The following FTO variants were observed in gnomAD, a reference collection of about 807,000 sequenced individuals.
FTO encodes FTO alpha-ketoglutarate dependent dioxygenase.
Under a neutral mutation model 63.9 loss-of-function variants are expected in FTO, and 47 were observed. The observed-to-expected ratio is 0.74, with a 90% CI of 0.58 to 0.94. The LOEUF (loss-of-function observed/expected upper bound fraction) is 0.94. Ranked by LOEUF, FTO falls within the 40% of genes least tolerant of loss-of-function variation. FTO has a pLI of 0.00. For missense variants in FTO, 562 were observed against 618.1 expected (o/e 0.91, Z 0.96); for synonymous variants, 207 against 224.4 (o/e 0.92, Z 0.69).
At chr16:53,909,432 T>G (rs2081624599) in intron 7 of FTO, among the ~76,000 whole-genome samples, 1 of 151,904 alleles carries the variant, frequency 6.6e-6, no homozygotes, top group Non-Finnish European at 1.5e-5. Flanking sequence ...TGGGCAAGAC[T>G]TTATGGAAGA....
intron 8 of FTO, among the ~76,000 whole-genome samples, chr16:53,980,192 A>C (rs191962577): frequency 1.7e-3 from 257 of 152,284 alleles, no homozygotes; most frequent in African/African-American, 5.9e-3. Context: ...TATGTCTTCT[A>C]ATTGTTTCTG....
intron 2 of FTO, among the ~76,000 whole-genome samples, chr16:53,820,512 G>A (rs2078830129): frequency 6.6e-6 from 1 of 151,596 alleles, no homozygotes; most frequent in Non-Finnish European, 1.5e-5. Flanking sequence ...AAGTTTTAGG[G>A]TACATGTGCA....
chr16:54,003,894 A>G (rs1282310027), intron 8 of FTO, among the ~76,000 whole-genome samples: 3 of 152,212 alleles, frequency 2.0e-5, no homozygotes, highest in African/African-American at 7.2e-5. Flanking sequence ...GAACAAATAT[A>G]ATTTTTGTGA....
chr16:53,745,918 C>A (rs960847336), intron 1 of FTO, among the ~76,000 whole-genome samples: 3 of 151,598 alleles, frequency 2.0e-5, no homozygotes. Context: ...CCTGGGCAAT[C>A]TAAGGATGGT....
chr16:53,887,249 C>T (rs867605232), intron 6 of FTO, among the ~76,000 whole-genome samples: 1 of 152,172 alleles, frequency 6.6e-6, no homozygotes, highest in Non-Finnish European at 1.5e-5. Flanking sequence ...CCATTCTTCC[C>T]ATTGCTGGCA....
chr16:53,968,381 G>T (rs1481278776), intron 8 of FTO, among the ~76,000 whole-genome samples: 3 of 152,108 alleles, frequency 2.0e-5, no homozygotes, highest in Non-Finnish European at 4.4e-5. Flanking sequence ...GATTCATATG[G>T]CTTTTTAAGT....
At chr16:54,101,431 C>T (rs547864065) in intron 8 of FTO, among the ~76,000 whole-genome samples, 1 of 152,300 alleles carries the variant, frequency 6.6e-6, no homozygotes, top group East Asian at 1.9e-4. Context: ...GCTCCATCCA[C>T]GTTCCCATAG....
chr16:53,721,865 G>A (rs1364596691), intron 1 of FTO, among the ~76,000 whole-genome samples: 4 of 151,824 alleles, frequency 2.6e-5, no homozygotes, highest in Non-Finnish European at 2.9e-5. Flanking sequence ...CATTTCAATC[G>A]GAAAAAGTAT....
intron 1 of FTO, among the ~76,000 whole-genome samples, chr16:53,734,870 A>T (rs1043477028): frequency 6.6e-6 from 1 of 152,150 alleles, no homozygotes; most frequent in African/African-American, 2.4e-5. Flanking sequence ...TAGGAGGGAA[A>T]TCCTTCCTGT....
At position 53,907,415 on chromosome 16, in the gene FTO, G is replaced by C. The variant is rs190862066; in HGVS notation, c.1239+18464G>C. Among the ~76,000 whole-genome samples, 80 of 152,222 alleles carry C rather than the reference G, an allele frequency of 5.3e-4. 2 individuals are homozygous for C. In the East Asian group the frequency reaches 0.014, roughly 26 times the overall value. On this transcript the variant is annotated intron_variant, in intron 7 of 8. Transcript: ENST00000471389. ...TTGCCCTCATGGTAGCTTGGCTGAC[G>C]GGGAGCACAAACTCTCTGCCACAGC...
intron 1 of FTO, among the ~76,000 whole-genome samples, chr16:53,757,633 G>A (rs1265460348): frequency 1.3e-5 from 2 of 151,816 alleles, no homozygotes; most frequent in Non-Finnish European, 2.9e-5. Context: ...AGAGCCACTG[G>A]GGCTTTTATA....
intron 8 of FTO, among the ~76,000 whole-genome samples, chr16:54,055,560 C>A (rs2085413009): frequency 6.6e-6 from 1 of 152,188 alleles, no homozygotes; most frequent in Non-Finnish European, 1.5e-5. Flanking sequence ...AACAAAGAGT[C>A]TTAATCCCCT....
At chr16:53,937,345 A>G (rs2082413349) in intron 8 of FTO, 5 of 398,522 alleles carry the variant, frequency 1.3e-5, no homozygotes, top group Non-Finnish European at 2.2e-5. Context: ...GCCTTTGTTT[A>G]TCCAGTCCCC....
chr16:53,817,667 T>C (rs1450202328), intron 2 of FTO, among the ~76,000 whole-genome samples: 1 of 152,156 alleles, frequency 6.6e-6, no homozygotes, highest in Non-Finnish European at 1.5e-5. Context: ...TTAAAAACCA[T>C]ATCTGACTTC....
intron 4 of FTO, among the ~76,000 whole-genome samples, chr16:53,864,830 G>A (rs2080264713): frequency 6.6e-6 from 1 of 152,070 alleles, no homozygotes; most frequent in African/African-American, 2.4e-5. Context: ...TGGAGTTTTC[G>A]ATAAATTAGA....
chr16:54,073,226 G>A (rs1184379641), intron 8 of FTO, among the ~76,000 whole-genome samples: 1 of 152,028 alleles, frequency 6.6e-6, no homozygotes, highest in African/African-American at 2.4e-5. Flanking sequence ...TCAAGGGATG[G>A]GACACCTTTC....
intron 7 of FTO, among the ~76,000 whole-genome samples, chr16:53,917,680 AT>A: frequency 6.7e-6 from 1 of 150,030 alleles, no homozygotes; most frequent in Admixed American, 6.7e-5. Flanking sequence ...CTGAATTCCT[AT>A]TTGAGAGCCA....
chr16:54,024,372 C>T (rs2084666863), intron 8 of FTO, among the ~76,000 whole-genome samples: 3 of 151,946 alleles, frequency 2.0e-5, no homozygotes, highest in African/African-American at 2.4e-5. Flanking sequence ...TACAGGTGCA[C>T]ACCACCACGC....
intron 8 of FTO, among the ~76,000 whole-genome samples, chr16:53,939,871 G>T (rs2082486467): frequency 6.6e-6 from 1 of 152,060 alleles, no homozygotes; most frequent in African/African-American, 2.4e-5. Context: ...CAACTGATGG[G>T]CAGTTGGGTT....
Sources: gnomAD v4.1 joint callset for allele counts (sites outside exome capture counted in the v4.1 genomes callset) on GRCh38, gnomAD v4.1.1 for gene constraint, MANE v1.5 for transcripts, NCBI Gene and HGNC (gene_info 2026-07-23, HGNC 2026-07-21) for gene names.